ZNRF1: variants seen among roughly 807,000 people sequenced by gnomAD.
ZNRF1 encodes the protein E3 ubiquitin-protein ligase ZNRF1.
ZNRF1 carries 3 observed loss-of-function variants against 18.4 expected under a neutral mutation model. The ratio of observed to expected loss-of-function variants is 0.16; its 90% confidence interval spans 0.07 to 0.42. The LOEUF is 0.42. Among genes scored for constraint, ZNRF1 ranks in the 10% least tolerant of loss-of-function variants. The probability of loss-of-function intolerance (pLI) is 0.99; values close to 1 mark genes in which losing one functional copy is unlikely to be tolerated. For missense variants in ZNRF1, 310 were observed against 329.8 expected, an observed-to-expected ratio of 0.94 and a Z score of 0.47; for synonymous variants, 157 against 144.2, an observed-to-expected ratio of 1.09 and a Z score of -0.64.
intron 1 of ZNRF1, among the ~76,000 whole-genome samples, chr16:75,037,549 C>T (rs537320418): frequency 7.2e-5 from 11 of 151,964 alleles, no homozygotes; most frequent in African/African-American, 1.4e-4. Context: ...ATGTTGACCA[C>T]GCTGGTCTGG....
intron 1 of ZNRF1, among the ~76,000 whole-genome samples, chr16:75,080,801 G>C (rs2036001300): frequency 6.6e-6 from 1 of 152,134 alleles, no homozygotes; most frequent in Non-Finnish European, 1.5e-5. Flanking sequence ...TTGAGCCTGG[G>C]AGGTGGAGGT....
chr16:75,103,814 G>A (rs567535342), intron 2 of ZNRF1, among the ~76,000 whole-genome samples: 6 of 152,118 alleles, frequency 3.9e-5, no homozygotes, highest in South Asian at 4.1e-4. Context: ...GTGAAACCCC[G>A]TCTCTACTAA....
intron 1 of ZNRF1, among the ~76,000 whole-genome samples, chr16:75,042,575 G>A (rs1034981454): frequency 2.7e-5 from 4 of 150,542 alleles, no homozygotes; most frequent in African/African-American, 7.3e-5. Context: ...TTTATTTCTC[G>A]GCTTTCAATT....
rs1206295958 is a variant in ZNRF1 at position 75,110,343 on chromosome 16, GAGA to G, written c.*2646_*2648del. On this transcript the variant is annotated 3_prime_UTR_variant, in exon 5 of 5. Transcript: ENST00000335325. ...CCTGTTCTGCCTTTCTGGGATGGGA[GAGA>G]AGGTGAGGGAGCCGGCGAGCAGGTT... 1.3e-5 allele frequency: 2 copies of G among 152,436 alleles called. No homozygotes were observed. The highest frequency in any genetic ancestry group is 1.9e-4 in the East Asian group (1 of 5,186). 9.4% of individuals were successfully genotyped at this position (152,436 alleles called of 1,614,324 possible).
At chr16:75,068,356 C>A (rs2035829189) in intron 1 of ZNRF1, among the ~76,000 whole-genome samples, 1 of 151,798 alleles carries the variant, frequency 6.6e-6, no homozygotes, top group Non-Finnish European at 1.5e-5. Flanking sequence ...AGAGCAAGAC[C>A]CTGTCTCAAA....
intron 1 of ZNRF1, 153 bp downstream of exon 1, chr16:75,000,248 ACC>A: frequency 8.9e-7 from 1 of 1,123,304 alleles, no homozygotes; most frequent in Non-Finnish European, 1.3e-6. Flanking sequence ...TGGGATACCT[ACC>A]GTCTGGAAAC....
chr16:75,030,391 C>T (rs1166427611), intron 1 of ZNRF1, among the ~76,000 whole-genome samples: 1 of 151,298 alleles, frequency 6.6e-6, no homozygotes, highest in Non-Finnish European at 1.5e-5. Flanking sequence ...GATCAAAGAC[C>T]TAAATATAAG....
At chr16:75,031,967 A>G (rs565664695) in intron 1 of ZNRF1, among the ~76,000 whole-genome samples, 4 of 152,260 alleles carry the variant, frequency 2.6e-5, no homozygotes, top group African/African-American at 9.6e-5. Flanking sequence ...CCAACAGTAT[A>G]TAAGGGTTCT....
chr16:75,026,397 G>A (rs1216198182), intron 1 of ZNRF1, among the ~76,000 whole-genome samples: 1 of 152,070 alleles, frequency 6.6e-6, no homozygotes, highest in African/African-American at 2.4e-5. Flanking sequence ...AATGTTTATA[G>A]CGTTCCCCTG....
intron 2 of ZNRF1, among the ~76,000 whole-genome samples, chr16:75,096,913 CG>C (rs1205446916): frequency 1.3e-5 from 2 of 152,058 alleles, no homozygotes; most frequent in African/African-American, 2.4e-5. Flanking sequence ...CCTGGTGCTC[CG>C]AGGACAGGCA....
chr16:75,010,660 A>C (rs2034982967), intron 1 of ZNRF1, among the ~76,000 whole-genome samples: 1 of 150,294 alleles, frequency 6.7e-6, no homozygotes, highest in South Asian at 2.1e-4. Context: ...TCCATACTTC[A>C]TAAAGAGTTG....
chr16:75,026,910 A>G (rs982392756), intron 1 of ZNRF1, among the ~76,000 whole-genome samples: 20 of 151,638 alleles, frequency 1.3e-4, no homozygotes, highest in South Asian at 2.1e-4. Context: ...CTCAAAAAAA[A>G]AAAGAAAGAA....
At chr16:75,067,874 T>A (rs1243236442) in intron 1 of ZNRF1, among the ~76,000 whole-genome samples, 1 of 152,146 alleles carries the variant, frequency 6.6e-6, no homozygotes, top group Non-Finnish European at 1.5e-5. Context: ...TATCTACAAA[T>A]CTGAAATCCA....
At chr16:75,104,985 C>A (rs915621110) in intron 3 of ZNRF1, 96 bp downstream of exon 3, 2 of 1,024,262 alleles carry the variant, frequency 2.0e-6, no homozygotes, top group Non-Finnish European at 1.5e-6. Flanking sequence ...TATGGGATGA[C>A]CTCTCCCCCG....
chr16:75,046,069 A>AT (rs2035511628), intron 1 of ZNRF1, among the ~76,000 whole-genome samples: 1 of 149,880 alleles, frequency 6.7e-6, no homozygotes, highest in African/African-American at 2.5e-5. Context: ...TGCCTGGCTA[A>AT]TTTTTTTTAT....
At chr16:75,006,409 A>G (rs987529682) in intron 1 of ZNRF1, among the ~76,000 whole-genome samples, 41 of 152,254 alleles carry the variant, frequency 2.7e-4, no homozygotes, top group African/African-American at 6.7e-4. Context: ...CCCAAAACCT[A>G]AATCTTAACC....
chr16:75,001,215 C>T (rs963169229), intron 1 of ZNRF1, among the ~76,000 whole-genome samples: 5 of 152,054 alleles, frequency 3.3e-5, no homozygotes, highest in African/African-American at 1.2e-4. Context: ...AGGGTAATAT[C>T]TGTTGGATCA....
chr16:75,103,787 C>G (rs926527375), intron 2 of ZNRF1, among the ~76,000 whole-genome samples: 78 of 152,092 alleles, frequency 5.1e-4, no homozygotes, highest in Non-Finnish European at 1.0e-4. Context: ...GAGTTCGAGA[C>G]CAGCCCGGCC....
intron 1 of ZNRF1, among the ~76,000 whole-genome samples, chr16:75,029,113 A>C (rs2035264616): frequency 1.4e-5 from 2 of 147,138 alleles, no homozygotes; most frequent in South Asian, 2.1e-4. Context: ...GCTTGACTGC[A>C]GTCTTGACTT....
Sources: gnomAD v4.1 joint callset for allele counts (sites outside exome capture counted in the v4.1 genomes callset) on GRCh38, gnomAD v4.1.1 for gene constraint, MANE v1.5 for transcripts, NCBI Gene and HGNC (gene_info 2026-07-23, HGNC 2026-07-21) for gene names.